The following TCF4 variants were observed in gnomAD, a reference collection of about 807,000 sequenced individuals.
TCF4 encodes SL3-3 enhancer factor 2.
In TCF4, 3 loss-of-function variants were observed where a neutral mutation model predicts 82.1. That is an observed-to-expected ratio of 0.04 (90% CI 0.02 to 0.09). The LOEUF (loss-of-function observed/expected upper bound fraction) is 0.09. Ranked by LOEUF, TCF4 falls within the 10% of genes least tolerant of loss-of-function variation. The probability of loss-of-function intolerance (pLI) is 1.00; values close to 1 mark genes in which losing one functional copy is unlikely to be tolerated. For synonymous variants in TCF4, 276 were observed against 309.6 expected (o/e 0.89, Z 1.14); for missense variants, 518 against 852.7 (o/e 0.61, Z 4.89).
chr18:55,520,683 T>A (rs1339774938), intron 3 of TCF4, among the ~76,000 whole-genome samples: 1 of 152,146 alleles, frequency 6.6e-6, no homozygotes, highest in Non-Finnish European at 1.5e-5. Context: ...GCTTTATTTA[T>A]GAGCAAAGAA....
intron 3 of TCF4, among the ~76,000 whole-genome samples, chr18:55,497,986 T>C (rs1051469400): frequency 6.6e-6 from 1 of 152,230 alleles, no homozygotes; most frequent in Non-Finnish European, 1.5e-5. Context: ...TTATACCTAC[T>C]GACAAAAAAT....
At chr18:55,250,825 TCTATAAAAGATGCACAG>T (rs2054835985) in intron 15 of TCF4, among the ~76,000 whole-genome samples, 1 of 152,206 alleles carries the variant, frequency 6.6e-6, no homozygotes, top group Admixed American at 6.5e-5. Flanking sequence ...CAGAGTCATA[TCTATAAAAGATGCACAG>T]CTATGCGGAG....
chr18:55,505,990 G>A (rs1367367115), intron 3 of TCF4, among the ~76,000 whole-genome samples: 1 of 152,104 alleles, frequency 6.6e-6, no homozygotes, highest in Non-Finnish European at 1.5e-5. Context: ...CACTAGACCT[G>A]GATTCAGCTG....
rs760990833 is a variant in TCF4 at position 55,444,456 on chromosome 18, T to C, written c.304+16563A>G. ...GAATACAAGGTGTGATTAAACCATG[T>C]TCTACAATGTGTTGAAAGTTTTCCA... On this transcript the variant is annotated intron_variant, in intron 5 of 19. Transcript: ENST00000354452. Among the ~76,000 whole-genome samples the C allele has an allele frequency of 3.9e-5, 6 of 152,200 alleles. 1 individual carries two copies. The highest frequency in any genetic ancestry group is 5.9e-5 in the Non-Finnish European group (4 of 68,036).
intron 6 of TCF4, among the ~76,000 whole-genome samples, chr18:55,369,838 T>C (rs189928092): frequency 1.3e-5 from 2 of 152,366 alleles, no homozygotes; most frequent in Admixed American, 1.3e-4. Flanking sequence ...ACTGCTGAAA[T>C]ATCAGCTTGT....
chr18:55,349,695 T>C (rs918432475), intron 8 of TCF4, among the ~76,000 whole-genome samples: 1 of 152,004 alleles, frequency 6.6e-6, no homozygotes, highest in Non-Finnish European at 1.5e-5. Context: ...ATTCAAAATA[T>C]GATATCATGT....
At chr18:55,335,360 T>C (rs2078415378) in intron 8 of TCF4, among the ~76,000 whole-genome samples, 1 of 152,238 alleles carries the variant, frequency 6.6e-6, no homozygotes, top group Non-Finnish European at 1.5e-5. Flanking sequence ...GTTAAATCAA[T>C]AAATAGTTCA....
At chr18:55,241,423 G>C (rs530081882) in intron 15 of TCF4, among the ~76,000 whole-genome samples, 25 of 152,214 alleles carry the variant, frequency 1.6e-4, no homozygotes, top group Non-Finnish European at 3.2e-4. Context: ...TGGAACTAAA[G>C]TTAATCCATC....
At chr18:55,476,156 T>C (rs917639618) in intron 3 of TCF4, among the ~76,000 whole-genome samples, 7 of 147,788 alleles carry the variant, frequency 4.7e-5, no homozygotes, top group African/African-American at 1.7e-4. Flanking sequence ...TTTAGTGTGG[T>C]TTCCATGGGC....
intron 8 of TCF4, chr18:55,302,348 G>C: frequency 7.1e-7 from 1 of 1,399,216 alleles, no homozygotes; most frequent in Non-Finnish European, 9.8e-7. Context: ...AAGCAGCACA[G>C]TGCAGCCCAA....
chr18:55,448,904 T>C (rs1386984702), intron 5 of TCF4, among the ~76,000 whole-genome samples: 1 of 152,226 alleles, frequency 6.6e-6, no homozygotes, highest in Non-Finnish European at 1.5e-5. Flanking sequence ...CAAAATCTCA[T>C]TAACTATTAA....
chr18:55,399,639 C>T (rs2093682984), intron 6 of TCF4, among the ~76,000 whole-genome samples: 1 of 151,968 alleles, frequency 6.6e-6, no homozygotes, highest in African/African-American at 2.4e-5. Context: ...CAAATTAATG[C>T]AAAAAGCCTA....
At chr18:55,346,104 A>G (rs983089518) in intron 8 of TCF4, among the ~76,000 whole-genome samples, 2 of 152,174 alleles carry the variant, frequency 1.3e-5, no homozygotes, top group Admixed American at 6.5e-5. Flanking sequence ...AAGTTTTTAT[A>G]TAACACAAAA....
At chr18:55,235,336 C>T (rs2049056142) in intron 15 of TCF4, among the ~76,000 whole-genome samples, 1 of 152,084 alleles carries the variant, frequency 6.6e-6, no homozygotes, top group Non-Finnish European at 1.5e-5. Flanking sequence ...TCTGCCAATG[C>T]CACCACACCG....
chr18:55,427,368 C>T (rs902130132), intron 5 of TCF4, among the ~76,000 whole-genome samples: 1 of 152,102 alleles, frequency 6.6e-6, no homozygotes, highest in African/African-American at 2.4e-5. Context: ...GTAAATGATT[C>T]CTCAGCTCCC....
chr18:55,247,409 C>T (rs1036486668), intron 15 of TCF4, among the ~76,000 whole-genome samples: 6 of 152,090 alleles, frequency 3.9e-5, no homozygotes, highest in African/African-American at 1.4e-4. Flanking sequence ...TGTACAGACA[C>T]AACAAAAAGT....
intron 19 of TCF4, 21 bp from the exon 20 acceptor site, chr18:55,228,051 G>GA (rs1192437560): frequency 1.2e-6 from 1 of 848,246 alleles, no homozygotes; most frequent in South Asian, 1.8e-5. Flanking sequence ...AAAAAAGAGA[G>GA]AAAAAATTCA....
chr18:55,471,667 G>A (rs1055116543), intron 3 of TCF4, among the ~76,000 whole-genome samples: 1 of 151,790 alleles, frequency 6.6e-6, no homozygotes, highest in Admixed American at 6.6e-5. Context: ...TCAAGAGGCT[G>A]AGGCACTAGA....
Position 55,225,934 on chromosome 18 carries a change from A to G in TCF4, c.*2101T>C, listed in dbSNP as rs911971627. On this transcript the variant is annotated 3_prime_UTR_variant, in exon 20 of 20. Coordinates refer to ENST00000354452, the MANE Select transcript of TCF4 (RefSeq NM_001083962.2). ...AAGATGACCACGTGGTAACTATCTT[A>G]TTTGTTCTTACATTTTCAGAAATGA... 1.3e-5 allele frequency: 2 copies of G among 152,526 alleles called. No individual in the cohort carries two copies. Among genetic ancestry groups the G allele is most frequent in the Non-Finnish European group, 2.9e-5 (2 of 67,984 alleles). 9.4% of individuals were successfully genotyped at this position (152,526 alleles called of 1,614,324 possible).
Sources: allele counts gnomAD v4.1 joint callset (sites outside exome capture counted in the v4.1 genomes callset), GRCh38; gene constraint gnomAD v4.1.1; transcripts MANE v1.5; gene names NCBI Gene and HGNC (gene_info 2026-07-23, HGNC 2026-07-21).